The following MVB12B variants were observed in gnomAD, a reference collection of about 807,000 sequenced individuals.
The protein encoded by MVB12B is ESCRT-I complex subunit MVB12B.
MVB12B carries 16 observed loss-of-function variants against 41.6 expected under a neutral mutation model. The observed-to-expected ratio is 0.38, with a 90% CI of 0.26 to 0.58. The LOEUF is 0.58. Among genes scored for constraint, MVB12B ranks in the 20% least tolerant of loss-of-function variants. The probability of loss-of-function intolerance (pLI) is 0.62; values close to 1 mark genes in which losing one functional copy is unlikely to be tolerated. For synonymous variants in MVB12B, 133 were observed against 139.7 expected, an observed-to-expected ratio of 0.95 and a Z score of 0.34; for missense variants, 274 against 380.2, an observed-to-expected ratio of 0.72 and a Z score of 2.32.
In MVB12B at chr9:126,383,275, C is replaced by T. The variant is rs529568916; in HGVS notation, c.312+2104C>T. Among the ~76,000 whole-genome samples the T allele has an allele frequency of 2.6e-5, 4 of 152,208 alleles. No homozygotes were observed. The South Asian group carries it at 8.3e-4, about 32-fold the overall frequency. On this transcript the variant is annotated intron_variant, in intron 3 of 9. Coordinates refer to ENST00000361171, the MANE Select transcript of MVB12B (RefSeq NM_033446.3). ...TTCTTAATTAGCTGACTTGAGACTC[C>T]CAATGTAGGAGTTTTGGGAGACTCC...
intron 2 of MVB12B, among the ~76,000 whole-genome samples, chr9:126,359,121 C>T (rs554301460): frequency 9.9e-5 from 15 of 151,566 alleles, no homozygotes; most frequent in South Asian, 6.3e-4. Context: ...TATCCAGTCT[C>T]AGCTTCCCAG....
Position 126,503,223 on chromosome 9 carries a change from C to T in MVB12B, c.920C>T (p.Pro307Leu), listed in dbSNP as rs1833998357. 7 of 1,550,650 alleles carry T rather than the reference C, an allele frequency of 4.5e-6. No individual in the cohort carries two copies. Among genetic ancestry groups the T allele is most frequent in the South Asian group, 2.4e-5 (2 of 84,082 alleles). Residue 307 changes from proline (P) to leucine (L), a missense_variant, in exon 10 of 10, where the codon CCG becomes CTG. By Grantham distance (98) the Pro-to-Leu change is moderately conservative (BLOSUM62 -3). Coordinates refer to ENST00000361171, the MANE Select transcript of MVB12B (RefSeq NM_033446.3). ...RTEQSAAARLPPSPTRCQQIP... is the reference protein window; with the variant it reads ...RTEQSAAARLLPSPTRCQQIP... ...GAGCAGAGCGCAGCCGCCAGGCTCC[C>T]GCCCAGCCCCACCAGGTGTCAGCAG...
At chr9:126,346,972 T>C (rs1829607977) in intron 2 of MVB12B, among the ~76,000 whole-genome samples, 1 of 151,646 alleles carries the variant, frequency 6.6e-6, no homozygotes, top group Non-Finnish European at 1.5e-5. Flanking sequence ...CAACGAGAGG[T>C]TGAGAGTGCA....
chr9:126,481,347 CTT>C lies in MVB12B; in HGVS notation c.758-14_758-13del. ...CCATCTTCAATACCTTTAATGCCAT[CTT>C]TTTTTTTCTTCTTTTGCAGCAATGG... On this transcript the variant is annotated intron_variant, in intron 7 of 9. Transcript: ENST00000361171. 1 of 1,586,588 alleles carries C rather than the reference CTT, an allele frequency of 6.3e-7. No homozygotes were observed. The highest frequency in any genetic ancestry group is 8.6e-7 in the Non-Finnish European group (1 of 1,158,032).
At chr9:126,368,822 T>C (rs1194124877) in intron 2 of MVB12B, among the ~76,000 whole-genome samples, 1 of 152,250 alleles carries the variant, frequency 6.6e-6, no homozygotes, top group African/African-American at 2.4e-5. Flanking sequence ...TGCTCATTTT[T>C]CTTCCTGACT....
At chr9:126,372,881 C>T (rs1418307105) in intron 2 of MVB12B, among the ~76,000 whole-genome samples, 4 of 152,022 alleles carry the variant, frequency 2.6e-5, no homozygotes, top group South Asian at 2.1e-4. Context: ...AAGACAGATG[C>T]GAGAGGGAGC....
Position 126,351,483 on chromosome 9 carries a change from C to CTTTTT in MVB12B, c.204+10872_204+10876dup, listed in dbSNP as rs34141510. On this transcript the variant is annotated intron_variant, in intron 2 of 9. Coordinates refer to ENST00000361171, the MANE Select transcript of MVB12B (RefSeq NM_033446.3). ...GGTGGAAAACATTCAGTCTTTCACT[C>CTTTTT]TTTTTTTTTTTTTTTTTTTTTTTGA... Among the ~76,000 whole-genome samples the CTTTTT allele has an allele frequency of 3.0e-3, 263 of 86,290 alleles. 3 individuals are homozygous for CTTTTT. The highest frequency in any genetic ancestry group is 0.01 in the Middle Eastern group (1 of 100). The allele number at this position is 86,290 out of a possible 152,430, so 56.6% of individuals were successfully genotyped here.
chr9:126,367,331 C>T lies in MVB12B; in HGVS notation c.205-13733C>T, dbSNP rs910165610. Among the ~76,000 whole-genome samples, 10 of 152,100 alleles carry T rather than the reference C, an allele frequency of 6.6e-5. No individual in the cohort carries two copies. ...GCCTCCCAGGTTCCAGCTCCTCCCA[C>T]CAGATCTCTGTGGTCGTATGGTCTG... On this transcript the variant is annotated intron_variant, in intron 2 of 9. Coordinates refer to ENST00000361171, the MANE Select transcript of MVB12B (RefSeq NM_033446.3). This position sits in a 1 kb window ranked among gnomAD's most constrained non-coding sequence, Gnocchi z 4.3.
intron 7 of MVB12B, among the ~76,000 whole-genome samples, chr9:126,439,322 G>A (rs1175018580): frequency 2.6e-5 from 4 of 152,226 alleles, no homozygotes; most frequent in South Asian, 2.1e-4. Context: ...GGGTGGGGGC[G>A]CTGGGCGCAG....
intron 7 of MVB12B, among the ~76,000 whole-genome samples, chr9:126,431,201 C>G (rs1211094867): frequency 1.3e-5 from 2 of 152,198 alleles, no homozygotes; most frequent in African/African-American, 4.8e-5. Context: ...GAGAAACTTG[C>G]AATAAAAGGC....
intron 2 of MVB12B, among the ~76,000 whole-genome samples, chr9:126,354,440 G>A (rs1361116228): frequency 6.6e-6 from 1 of 152,194 alleles, no homozygotes. Context: ...GCTAAAACTA[G>A]GAGGTGATAT....
chr9:126,442,804 C>A (rs1217438776), intron 7 of MVB12B, among the ~76,000 whole-genome samples: 1 of 152,114 alleles, frequency 6.6e-6, no homozygotes, highest in Non-Finnish European at 1.5e-5. Context: ...ATGAGTTGGG[C>A]AGAAGTGTAT....
At position 126,381,178 on chromosome 9, in the gene MVB12B, C is replaced by T. The variant is rs1035275231; in HGVS notation, c.312+7C>T. On this transcript the variant is annotated splice_region_variant and intron_variant, in intron 3 of 9. Coordinates refer to ENST00000361171, the MANE Select transcript of MVB12B (RefSeq NM_033446.3). Reference sequence around the variant, plus strand: ...ATCATTTTCCAAAGAAAATGTAAGTCTAGTCGTAGTTTCCATTTGCTGAGT... The same window carrying T: ...ATCATTTTCCAAAGAAAATGTAAGTTTAGTCGTAGTTTCCATTTGCTGAGT... 4 of 1,591,450 alleles carry T rather than the reference C, an allele frequency of 2.5e-6. No individual in the cohort carries two copies. Among genetic ancestry groups the T allele is most frequent in the African/African-American group, 1.3e-5 (1 of 74,616 alleles).
chr9:126,372,300 A>T (rs867086038), intron 2 of MVB12B, among the ~76,000 whole-genome samples: 1 of 152,158 alleles, frequency 6.6e-6, no homozygotes, highest in African/African-American at 2.4e-5. Flanking sequence ...TTAGTTCCTC[A>T]TTTGGTAATT....
At chr9:126,499,821 C>T (rs1325349686) in intron 9 of MVB12B, among the ~76,000 whole-genome samples, 1 of 152,196 alleles carries the variant, frequency 6.6e-6, no homozygotes, top group African/African-American at 2.4e-5. Flanking sequence ...TCGCGGGGAC[C>T]GGCGTGGTGC....
intron 7 of MVB12B, among the ~76,000 whole-genome samples, chr9:126,477,049 C>T (rs1057279753): frequency 1.3e-5 from 2 of 152,088 alleles, no homozygotes; most frequent in African/African-American, 2.4e-5. Flanking sequence ...TCTTGGCCCA[C>T]GGTTCTACAG....
chr9:126,476,077 C>CACATGGGCCGAGGGGTGGAGCACAT (rs1554784729), intron 7 of MVB12B, among the ~76,000 whole-genome samples: 1 of 152,130 alleles, frequency 6.6e-6, no homozygotes, highest in Non-Finnish European at 1.5e-5. Context: ...AGGGGTGGAG[C>CACATGGGCCGAGGGGTGGAGCACAT]GAGGCCGTCA....
rs568289008 is a variant in MVB12B, at chr9:126,396,432, C to A, written c.662+735C>A. 8.1e-6 allele frequency: 8 copies of A among 985,526 alleles called. No individual in the cohort carries two copies. In the South Asian group the frequency reaches 2.8e-4, roughly 35 times the overall value. The allele number at this position is 985,526 out of a possible 1,614,324, so 61.0% of individuals were successfully genotyped here. A position where few individuals can be genotyped will look rare whatever the true frequency, so the allele number is the denominator to read the frequency against. On this transcript the variant is annotated intron_variant, in intron 6 of 9. Coordinates refer to ENST00000361171, the MANE Select transcript of MVB12B (RefSeq NM_033446.3). Reference sequence around the variant, plus strand: ...AGTAAATAAAACAAGAACGGTGAGGCAGCAACACTTAGGGATTGACATAAC... The same window carrying A: ...AGTAAATAAAACAAGAACGGTGAGGAAGCAACACTTAGGGATTGACATAAC...
At chr9:126,378,264 A>G (rs1055275010) in intron 2 of MVB12B, among the ~76,000 whole-genome samples, 3 of 152,192 alleles carry the variant, frequency 2.0e-5, no homozygotes, top group African/African-American at 7.2e-5. Flanking sequence ...TCCTCTTGAC[A>G]CTGTGACTTC....
Sources: allele counts gnomAD v4.1 joint callset (sites outside exome capture counted in the v4.1 genomes callset), GRCh38; gene constraint gnomAD v4.1.1; non-coding constraint Gnocchi (gnomAD v3.1); transcripts MANE v1.5; gene names NCBI Gene and HGNC (gene_info 2026-07-23, HGNC 2026-07-21).